The following PGM3 variants were observed in gnomAD, a reference collection of about 807,000 sequenced individuals.
PGM3 encodes phosphoacetylglucosamine mutase.
A neutral mutation model predicts 66.2 loss-of-function variants in PGM3; 40 were observed. That is an observed-to-expected ratio of 0.60 (90% CI 0.47 to 0.79). PGM3 has a LOEUF of 0.79. Ranked by LOEUF, PGM3 falls within the 30% of genes least tolerant of loss-of-function variation. The pLI, the probability that PGM3 is intolerant of heterozygous loss-of-function variation, is 0.00. For missense variants in PGM3, 537 were observed against 643.4 expected (o/e 0.83, Z 1.79); for synonymous variants, 191 against 224.2 (o/e 0.85, Z 1.32).
chr6:83,151,813 T>C, the PGM3 span: 3 of 1,499,616 alleles, frequency 2.0e-6, no homozygotes, highest in East Asian at 4.5e-5. Context: ...ATCAGAAATA[T>C]AAACTACAGA....
At chr6:83,156,534 C>T (rs1291757258), downstream of PGM3, among the ~76,000 whole-genome samples, 1 of 152,120 alleles carries the variant, frequency 6.6e-6, no homozygotes, top group Non-Finnish European at 1.5e-5. Context: ...GTAACATTTT[C>T]GGTAACTTCA....
intron 2 of PGM3, 52 bp from the exon 3 acceptor site, chr6:83,188,850 T>C (rs776760431): frequency 1.3e-6 from 2 of 1,500,786 alleles, no homozygotes; most frequent in Non-Finnish European, 1.8e-6. Flanking sequence ...TGAGGCTGAG[T>C]TGAGAACAGA....
chr6:83,158,341 C>T (rs1467158828), downstream of PGM3, among the ~76,000 whole-genome samples: 1 of 152,120 alleles, frequency 6.6e-6, no homozygotes, highest in African/African-American at 2.4e-5. Context: ...TCCATAATCA[C>T]TAAAAACAAA....
chr6:83,189,017 T>A (rs1302602711), intron 2 of PGM3, among the ~76,000 whole-genome samples: 1 of 152,140 alleles, frequency 6.6e-6, no homozygotes, highest in Non-Finnish European at 1.5e-5. Context: ...AAACTAATAA[T>A]CCTATTTTAA....
downstream of PGM3, chr6:83,160,043 T>A (rs1424942728): frequency 3.7e-6 from 5 of 1,359,934 alleles, no homozygotes; most frequent in East Asian, 2.3e-5. Flanking sequence ...AATTAAAAAG[T>A]TTTTTGTGTA....
chr6:83,153,401 A>AT, the PGM3 span: 1 of 596,174 alleles, frequency 1.7e-6, no homozygotes, highest in Non-Finnish European at 2.7e-6. Context: ...TTAATTTTAG[A>AT]TTTTTCTAAT....
rs1375583745 is a variant in PGM3, at chr6:83,174,426, T to C, written c.1190A>G (p.Lys397Arg). The C allele has an allele frequency of 1.9e-6, 3 of 1,609,936 alleles. No individual in the cohort carries two copies. The highest frequency in any genetic ancestry group is 1.1e-5 in the South Asian group (1 of 90,508). Residue 397 changes from lysine (K) to arginine (R), a missense_variant, in exon 10 of 13, where the codon AAG becomes AGG. Coordinates refer to ENST00000513973, the MANE Select transcript of PGM3 (RefSeq NM_015599.3). Reference sequence around the variant, plus strand: ...AAGCATCTTAGCAGCTTTTCTTTTCTTATCTTCCAGTTGTTCTGCTGATTG... The same window carrying C: ...AAGCATCTTAGCAGCTTTTCTTTTCCTATCTTCCAGTTGTTCTGCTGATTG... Reference protein sequence around the residue: ...IKQSAEQLEDKKRKAAKMLEN... With the variant: ...IKQSAEQLEDRKRKAAKMLEN...
chr6:83,169,444 C>T, intron 12 of PGM3, 121 bp from the exon 13 acceptor site: 1 of 1,185,144 alleles, frequency 8.4e-7, no homozygotes, highest in Non-Finnish European at 1.2e-6. Flanking sequence ...GTTTCACTAA[C>T]AAATTCTAAT....
In PGM3 at chr6:83,165,893, A is replaced by G. The variant is rs1562395413; in HGVS notation, c.*3341T>C. On this transcript the variant is annotated 3_prime_UTR_variant, in exon 13 of 13. Transcript: ENST00000513973. ...TTGCTGAGCATACTTATCAGATGTA[A>G]TGGTTTCACCTGGATTCAGAAAGCT... 1 of 406,554 alleles carries G rather than the reference A, an allele frequency of 2.5e-6. No individual in the cohort carries two copies. Among genetic ancestry groups the G allele is most frequent in the Non-Finnish European group, 4.9e-6 (1 of 203,514 alleles). 25.2% of individuals were successfully genotyped at this position (406,554 alleles called of 1,614,324 possible). A position where few individuals can be genotyped will look rare whatever the true frequency, so the allele number is the denominator to read the frequency against.
chr6:83,153,628 C>T, the PGM3 span: 1 of 1,553,414 alleles, frequency 6.4e-7, no homozygotes, highest in East Asian at 2.3e-5. Context: ...CAGGTACTAT[C>T]ATTATTTAAA....
downstream of PGM3, among the ~76,000 whole-genome samples, chr6:83,159,359 G>A (rs1442175750): frequency 3.3e-5 from 5 of 151,786 alleles, no homozygotes; most frequent in African/African-American, 4.8e-5. Context: ...TTGCAGCCTC[G>A]ACCTCCCAGG....
chr6:83,156,305 TGTG>T (rs1331378217), downstream of PGM3, among the ~76,000 whole-genome samples: 5 of 152,112 alleles, frequency 3.3e-5, no homozygotes, highest in Non-Finnish European at 7.3e-5. Flanking sequence ...CTTGCCTAAA[TGTG>T]GTCTCTATTT....
chr6:83,149,652 T>C, the PGM3 span, among the ~76,000 whole-genome samples: 1 of 152,080 alleles, frequency 6.6e-6, no homozygotes, highest in Non-Finnish European at 1.5e-5. Context: ...GAGACATGAC[T>C]GGCATGTTAG....
At position 83,170,275 on chromosome 6, in the gene PGM3, C is replaced by T; in HGVS notation, c.1539+30G>A. On this transcript the variant is annotated intron_variant, in intron 12 of 12. Transcript: ENST00000513973. ...TGCCTGCCCATCACCTAATATTAGG[C>T]TCTTTTTCAATAGAACTATCCCAGC... The T allele has an allele frequency of 6.2e-7, 1 of 1,605,406 alleles. No individual in the cohort carries two copies. Among genetic ancestry groups the T allele is most frequent in the Non-Finnish European group, 8.5e-7 (1 of 1,172,756 alleles).
At chr6:83,186,074 C>T (rs1583289116) in intron 4 of PGM3, among the ~76,000 whole-genome samples, 2 of 152,092 alleles carry the variant, frequency 1.3e-5, no homozygotes, top group East Asian at 1.9e-4. Flanking sequence ...AGGAGAGGTA[C>T]GCATGCACTC....
chr6:83,164,994 T>C lies in PGM3; in HGVS notation c.*4240A>G, dbSNP rs757410679. On this transcript the variant is annotated 3_prime_UTR_variant, in exon 13 of 13. Coordinates refer to ENST00000513973, the MANE Select transcript of PGM3 (RefSeq NM_015599.3). The stretch of plus-strand genomic sequence containing the variant: ...GTCAAGAGCTTAATAAAAGTCCCTC[T>C]CTTAAAGGCTCATCTTGATAGGAAT... 59 of 348,292 alleles carry C rather than the reference T, an allele frequency of 1.7e-4. No homozygotes were observed. The highest frequency in any genetic ancestry group is 4.0e-4 in the Admixed American group (9 of 22,698). 21.6% of individuals were successfully genotyped at this position (348,292 alleles called of 1,614,324 possible).
chr6:83,185,917 A>C (rs1381914126), intron 4 of PGM3, among the ~76,000 whole-genome samples: 2 of 152,214 alleles, frequency 1.3e-5, no homozygotes, highest in Non-Finnish European at 2.9e-5. Context: ...CCAACAGAGA[A>C]GACCAATATG....
rs185183803 is a variant in PGM3, at chr6:83,178,575, A to G, written c.1029+98T>C. On this transcript the variant is annotated intron_variant, in intron 8 of 12. Transcript: ENST00000513973. ...TTTACATGAACAGCAGCTCAGCTTC[A>G]TGCACTACAACATAATCACTTTTAT... is the stretch of plus-strand genomic sequence containing the variant. The G allele has an allele frequency of 1.7e-4, 129 of 753,000 alleles. No individual in the cohort carries two copies. The East Asian group carries it at 3.1e-3, about 18-fold the overall frequency. The allele number at this position is 753,000 out of a possible 1,614,324, so 46.6% of individuals were successfully genotyped here.
At position 83,167,689 on chromosome 6, in the gene PGM3, TGGC is replaced by T. The variant is rs1786110593; in HGVS notation, c.*1542_*1544del. The stretch of plus-strand genomic sequence containing the variant: ...GACTGCTCCATGTAAAACTAATAAA[TGGC>T]AGTAAAAGGTCTCAGAAGCACCAAG... On this transcript the variant is annotated 3_prime_UTR_variant, in exon 13 of 13. Transcript: ENST00000513973. 1 of 1,381,876 alleles carries T rather than the reference TGGC, an allele frequency of 7.2e-7. No homozygotes were observed. Among genetic ancestry groups the T allele is most frequent in the African/African-American group, 1.5e-5 (1 of 68,562 alleles). The allele number at this position is 1,381,876 out of a possible 1,614,324, so 85.6% of individuals were successfully genotyped here. A position where few individuals can be genotyped will look rare whatever the true frequency, so the allele number is the denominator to read the frequency against.
Sources: gnomAD v4.1 joint callset for allele counts (sites outside exome capture counted in the v4.1 genomes callset) on GRCh38, gnomAD v4.1.1 for gene constraint, MANE v1.5 for transcripts, NCBI Gene and HGNC (gene_info 2026-07-23, HGNC 2026-07-21) for gene names.